Variants in PDE11A observed in about 807,000 individuals in gnomAD.
PDE11A encodes the protein phosphodiesterase 11A, also known as dual 3',5'-cyclic-AMP and -GMP phosphodiesterase 11A.
PDE11A carries 100 observed loss-of-function variants against 100.5 expected under a neutral mutation model. That is an observed-to-expected ratio of 1.00 (90% CI 0.85 to 1.18). PDE11A has a LOEUF of 1.18. PDE11A is among the 50% of genes most tolerant of loss of function. PDE11A has a pLI of 0.00. For missense variants in PDE11A, 1,141 were observed against 1,152.6 expected (o/e 0.99, Z 0.15); for synonymous variants, 381 against 420.8 (o/e 0.91, Z 1.16).
chr2:177,690,159 C>T (rs999261977), intron 15 of PDE11A, among the ~76,000 whole-genome samples: 1 of 151,738 alleles, frequency 6.6e-6, no homozygotes, highest in African/African-American at 2.4e-5. Context: ...TGGAAAAATT[C>T]TTTGAAATAT....
chr2:177,758,857 G>A (rs1380209226), intron 10 of PDE11A, among the ~76,000 whole-genome samples: 2 of 152,160 alleles, frequency 1.3e-5, no homozygotes, highest in African/African-American at 4.8e-5. Context: ...CCTCGTGCCT[G>A]GGCAAATGAA....
chr2:177,731,947 T>C (rs945604713), intron 10 of PDE11A, among the ~76,000 whole-genome samples: 1 of 152,216 alleles, frequency 6.6e-6, no homozygotes, highest in African/African-American at 2.4e-5. Flanking sequence ...AAAAAAACCT[T>C]TATTTTTGTT....
chr2:177,702,850 T>G (rs1195602009), intron 13 of PDE11A: 1 of 152,214 alleles, frequency 6.6e-6, no homozygotes, highest in Admixed American at 6.5e-5. Flanking sequence ...TAATCATATA[T>G]GTGTTATTTC....
intron 2 of PDE11A, among the ~76,000 whole-genome samples, chr2:177,969,111 C>G (rs546952787): frequency 2.2e-4 from 34 of 152,290 alleles, no homozygotes; most frequent in South Asian, 4.2e-4. Context: ...AGTTCGTGTC[C>G]TTTGCAGGGA....
At chr2:177,655,887 A>G (rs1272885824) in intron 19 of PDE11A, among the ~76,000 whole-genome samples, 6 of 152,240 alleles carry the variant, frequency 3.9e-5, no homozygotes, top group Non-Finnish European at 1.5e-5. Flanking sequence ...CTTGAAATCT[A>G]TCTGTGACAT....
At chr2:177,722,837 T>C (rs1559160441) in intron 12 of PDE11A, among the ~76,000 whole-genome samples, 2 of 152,186 alleles carry the variant, frequency 1.3e-5, no homozygotes, top group East Asian at 1.9e-4. Context: ...CCATTTATTT[T>C]AAAGTAAATA....
At chr2:177,833,542 C>T (rs2083343727) in intron 6 of PDE11A, among the ~76,000 whole-genome samples, 1 of 152,174 alleles carries the variant, frequency 6.6e-6, no homozygotes. Flanking sequence ...TGTGATCTGC[C>T]TTAAGAAAGC....
chr2:177,924,748 C>G (rs1380069622), intron 2 of PDE11A, among the ~76,000 whole-genome samples: 4 of 145,132 alleles, frequency 2.8e-5, no homozygotes, highest in Non-Finnish European at 6.0e-5. Flanking sequence ...TTTTATTATA[C>G]TTTAAGTTTT....
intron 19 of PDE11A, among the ~76,000 whole-genome samples, chr2:177,631,546 TAC>T (rs1231635769): frequency 0.013 from 220 of 16,574 alleles, 14 homozygotes; most frequent in African/African-American, 0.031. Context: ...TATATATATA[TAC>T]ACATGTATAT....
chr2:177,798,757 T>A (rs1574153892), intron 9 of PDE11A, among the ~76,000 whole-genome samples: 1 of 151,852 alleles, frequency 6.6e-6, no homozygotes, highest in African/African-American at 2.4e-5. Flanking sequence ...AATAAACACA[T>A]AAACAGAGAG....
chr2:177,737,448 C>CACACACACAA (rs1280942455), intron 10 of PDE11A, among the ~76,000 whole-genome samples: 2 of 148,698 alleles, frequency 1.3e-5, no homozygotes, highest in African/African-American at 4.9e-5. Context: ...CACACACACA[C>CACACACACAA]AAATTAGCCA....
chr2:177,691,033 G>A (rs1443054975), intron 15 of PDE11A, among the ~76,000 whole-genome samples: 1 of 152,170 alleles, frequency 6.6e-6, no homozygotes, highest in East Asian at 1.9e-4. Flanking sequence ...GGTTTTGTGG[G>A]TTCCAAGAGT....
intron 2 of PDE11A, among the ~76,000 whole-genome samples, chr2:177,944,625 T>G (rs1559017665): frequency 6.6e-6 from 1 of 152,224 alleles, no homozygotes; most frequent in Non-Finnish European, 1.5e-5. Flanking sequence ...CAATCACTTC[T>G]ATAAATATAT....
chr2:178,056,155 G>A (rs1237467540), intron 1 of PDE11A, among the ~76,000 whole-genome samples: 1 of 152,114 alleles, frequency 6.6e-6, no homozygotes, highest in Non-Finnish European at 1.5e-5. Context: ...GCAAGTTTTG[G>A]AGCGTTAACA....
At chr2:177,823,072 T>C (rs2083165079) in intron 6 of PDE11A, among the ~76,000 whole-genome samples, 1 of 152,172 alleles carries the variant, frequency 6.6e-6, no homozygotes, top group Admixed American at 6.6e-5. Flanking sequence ...GATTTTTCCT[T>C]TTTTATTTTG....
chr2:177,727,779 G>T lies in PDE11A; in HGVS notation c.1936-14C>A, dbSNP rs1464989457. 4.8e-6 allele frequency: 7 copies of T among 1,465,510 alleles called. No homozygotes were observed. In the African/African-American group the frequency reaches 6.9e-5, roughly 15 times the overall value. 90.8% of individuals were successfully genotyped at this position (1,465,510 alleles called of 1,614,324 possible). On this transcript the variant is annotated splice_polypyrimidine_tract_variant and intron_variant, in intron 11 of 19. Transcript: ENST00000286063. ...CCTACACAGTGTCTGAAATGGGAGG[G>T]AGAGGGTGCGTCAGGCAGTTGTAAG... is the stretch of plus-strand genomic sequence containing the variant.
chr2:177,946,635 TG>T (rs2085436164), intron 2 of PDE11A, among the ~76,000 whole-genome samples: 3 of 49,626 alleles, frequency 6.0e-5, no homozygotes, highest in African/African-American at 1.5e-4. Context: ...GGGAGGGAGG[TG>T]GGGGGGTCAG....
intron 6 of PDE11A, among the ~76,000 whole-genome samples, chr2:177,839,970 T>C (rs1574199702): frequency 1.3e-5 from 2 of 152,218 alleles, no homozygotes; most frequent in East Asian, 3.8e-4. Context: ...TATTGGGAAA[T>C]AACTTTGTTA....
Position 177,797,807 on chromosome 2 carries a change from T to C in PDE11A, c.1737+19022A>G, listed in dbSNP as rs908738461. On this transcript the variant is annotated intron_variant, in intron 9 of 19. Transcript: ENST00000286063. ...TTTAACAGAAAATAAAATAAAAACA[T>C]GATCAACAATTTTGTTTTAAAAAAG... Among the ~76,000 whole-genome samples, 15 of 152,300 alleles carry C rather than the reference T, an allele frequency of 9.8e-5. No homozygotes were observed. In the East Asian group the frequency reaches 2.9e-3, roughly 29 times the overall value.
Sources: gnomAD v4.1 joint callset for allele counts (sites outside exome capture counted in the v4.1 genomes callset) on GRCh38, gnomAD v4.1.1 for gene constraint, MANE v1.5 for transcripts, NCBI Gene and HGNC (gene_info 2026-07-23, HGNC 2026-07-21) for gene names.